The following TAFA4 variants were observed in gnomAD, a reference collection of about 807,000 sequenced individuals.
TAFA4 encodes the protein TAFA chemokine like family member 4.
A neutral mutation model predicts 21.1 loss-of-function variants in TAFA4; 20 were observed. The observed-to-expected ratio is 0.95, with a 90% CI of 0.67 to 1.38. The LOEUF is 1.38. Among genes scored for constraint, TAFA4 ranks in the 40% most tolerant of loss-of-function variants. The pLI is 0.00. For synonymous variants in TAFA4, 71 were observed against 67.4 expected, an observed-to-expected ratio of 1.05 and a Z score of -0.26; for missense variants, 211 against 180.9, an observed-to-expected ratio of 1.17 and a Z score of -0.95.
chr3:68,828,640 T>C (rs9864085), intron 3 of TAFA4, among the ~76,000 whole-genome samples: 46,850 of 152,056 alleles, frequency 0.31, 7,625 homozygotes, highest in Non-Finnish European at 0.37. Flanking sequence ...TTTGAGGCAA[T>C]TGTGAATGGG....
At chr3:68,834,462 G>T (rs891770652) in intron 3 of TAFA4, among the ~76,000 whole-genome samples, 2 of 152,052 alleles carry the variant, frequency 1.3e-5, no homozygotes, top group Admixed American at 1.3e-4. Flanking sequence ...CCAAACAATC[G>T]ATACAAAATA....
chr3:68,906,453 T>A (rs1188783717), intron 1 of TAFA4, among the ~76,000 whole-genome samples: 1 of 152,234 alleles, frequency 6.6e-6, no homozygotes, highest in Non-Finnish European at 1.5e-5. Context: ...AAAACTTGTT[T>A]ACATTAGTTC....
intron 1 of TAFA4, among the ~76,000 whole-genome samples, chr3:68,901,990 A>G (rs2089847817): frequency 6.6e-6 from 1 of 152,192 alleles, no homozygotes. Context: ...TGTAAATTGC[A>G]CCTGTACTAA....
At chr3:68,871,095 T>C (rs1408740816) in intron 3 of TAFA4, among the ~76,000 whole-genome samples, 1 of 152,164 alleles carries the variant, frequency 6.6e-6, no homozygotes, top group East Asian at 1.9e-4. Flanking sequence ...GGAATGCTTT[T>C]ACACTGTTGG....
intron 3 of TAFA4, among the ~76,000 whole-genome samples, chr3:68,829,043 A>T (rs1242848873): frequency 6.6e-6 from 1 of 152,104 alleles, no homozygotes; most frequent in Non-Finnish European, 1.5e-5. Flanking sequence ...AATTGGAAAA[A>T]ACTACTTTAA....
In TAFA4 at chr3:68,880,769, G is replaced by C. The variant is rs1454705110; in HGVS notation, c.91C>G (p.Leu31Val). ...AGGTGCTGGCTTGAGGCGGACATCA[G>C]CTTACAGCACACCATTAACACGTAG... Reference protein sequence around the residue: ...LAYVLMVCCKLMSASSQHLRG... With the variant: ...LAYVLMVCCKVMSASSQHLRG... The change falls in exon 3 of 6, where the codon CTG (leucine) becomes GTG (valine). Residue 31 changes from leucine (L) to valine (V), a missense_variant. By Grantham distance (32) the Leu-to-Val change is conservative. Transcript: ENST00000295569. 6.2e-7 allele frequency: 1 copy of C among 1,613,822 alleles called. No individual in the cohort carries two copies. The highest frequency in any genetic ancestry group is 1.3e-5 in the African/African-American group (1 of 74,906).
At chr3:68,766,351 C>T (rs1333648663) in intron 3 of TAFA4, among the ~76,000 whole-genome samples, 3 of 151,820 alleles carry the variant, frequency 2.0e-5, no homozygotes, top group South Asian at 2.1e-4. Context: ...ATAAGGTCAT[C>T]GTCAAATACT....
chr3:68,744,592 A>G (rs1702419570), intron 4 of TAFA4, among the ~76,000 whole-genome samples: 3 of 152,202 alleles, frequency 2.0e-5, no homozygotes, highest in African/African-American at 7.2e-5. Context: ...TCCAGTCAGC[A>G]CTTACTTACT....
intron 3 of TAFA4, among the ~76,000 whole-genome samples, chr3:68,771,747 C>T (rs188839278): frequency 2.0e-5 from 3 of 152,052 alleles, no homozygotes; most frequent in Admixed American, 2.0e-4. Context: ...CCACACAACG[C>T]CTTTCTAGAA....
At chr3:68,887,049 G>A (rs1464901425) in intron 1 of TAFA4, among the ~76,000 whole-genome samples, 2 of 152,136 alleles carry the variant, frequency 1.3e-5, no homozygotes, top group African/African-American at 4.8e-5. Context: ...AATCAGATAT[G>A]AGACTCAAGA....
At chr3:68,848,054 T>A (rs1210508200) in intron 3 of TAFA4, among the ~76,000 whole-genome samples, 2 of 152,226 alleles carry the variant, frequency 1.3e-5, no homozygotes, top group East Asian at 1.9e-4. Context: ...AATAATGCAT[T>A]TAATCCTCAT....
chr3:68,924,006 GA>G (rs2090083725), intron 1 of TAFA4, among the ~76,000 whole-genome samples: 1 of 152,182 alleles, frequency 6.6e-6, no homozygotes. Context: ...AATTAAATCA[GA>G]TAGCACAAAA....
intron 1 of TAFA4, among the ~76,000 whole-genome samples, chr3:68,918,255 T>C (rs530742938): frequency 6.6e-6 from 1 of 152,204 alleles, no homozygotes; most frequent in East Asian, 1.9e-4. Context: ...ATGGTCAGTG[T>C]GGTTACCTCA....
In TAFA4 at chr3:68,791,504, G is replaced by A. The variant is rs144035179; in HGVS notation, c.131-38486C>T. Among the ~76,000 whole-genome samples the A allele has an allele frequency of 4.4e-3, 669 of 152,306 alleles. 4 individuals carry two copies. Among genetic ancestry groups the A allele is most frequent in the African/African-American group, 0.016 (651 of 41,570 alleles). On this transcript the variant is annotated intron_variant, in intron 3 of 5. Coordinates refer to ENST00000295569, the MANE Select transcript of TAFA4 (RefSeq NM_182522.5). ...AGACTTCTAGTCTCCAGAACTGTGAGAGAATAAACGTTTATTGTCTTAAGC... is the reference window on the plus strand; with the variant it reads ...AGACTTCTAGTCTCCAGAACTGTGAAAGAATAAACGTTTATTGTCTTAAGC...
chr3:68,889,021 T>C (rs2089704667), intron 1 of TAFA4, among the ~76,000 whole-genome samples: 1 of 152,234 alleles, frequency 6.6e-6, no homozygotes, highest in African/African-American at 2.4e-5. Flanking sequence ...TTGCAATCAT[T>C]TTATTCCTCT....
At chr3:68,788,317 C>T (rs1703299663) in intron 3 of TAFA4, among the ~76,000 whole-genome samples, 1 of 152,180 alleles carries the variant, frequency 6.6e-6, no homozygotes, top group African/African-American at 2.4e-5. Context: ...CCCTCACTGT[C>T]CCCTCACTTG....
chr3:68,907,469 G>A (rs975860896), intron 1 of TAFA4, among the ~76,000 whole-genome samples: 1 of 152,178 alleles, frequency 6.6e-6, no homozygotes, highest in African/African-American at 2.4e-5. Context: ...GGCTATTTTT[G>A]TTATGCTCAG....
intron 1 of TAFA4, among the ~76,000 whole-genome samples, chr3:68,906,818 G>A (rs2089905424): frequency 6.6e-6 from 1 of 151,886 alleles, no homozygotes; most frequent in Non-Finnish European, 1.5e-5. Context: ...TCACCTGAGT[G>A]TGGGAGTTTG....
intron 3 of TAFA4, among the ~76,000 whole-genome samples, chr3:68,809,722 G>T (rs927540395): frequency 6.6e-6 from 1 of 151,934 alleles, no homozygotes; most frequent in East Asian, 1.9e-4. Context: ...ATTTTGAGTT[G>T]ATTTTTGTAC....
Sources: allele counts gnomAD v4.1 joint callset (sites outside exome capture counted in the v4.1 genomes callset), GRCh38; gene constraint gnomAD v4.1.1; transcripts MANE v1.5; gene names NCBI Gene and HGNC (gene_info 2026-07-23, HGNC 2026-07-21).